SEC16A: variants seen among roughly 807,000 people sequenced by gnomAD.
The protein encoded by SEC16A is protein transport protein Sec16A.
A neutral mutation model predicts 221.9 loss-of-function variants in SEC16A; 110 were observed. The ratio of observed to expected loss-of-function variants is 0.50; its 90% CI spans 0.42 to 0.58. The LOEUF is 0.58. Among genes scored for constraint, SEC16A ranks in the 20% least tolerant of loss-of-function variants. The probability of loss-of-function intolerance (pLI) is 0.00; values close to 1 mark genes in which losing one functional copy is unlikely to be tolerated. For synonymous variants in SEC16A, 1,393 were observed against 1,257.7 expected, an observed-to-expected ratio of 1.11 and a Z score of -2.28; for missense variants, 3,165 against 3,097.8, an observed-to-expected ratio of 1.02 and a Z score of -0.52.
upstream of SEC16A, chr9:136,483,731 C>T (rs997482236): frequency 3.0e-6 from 3 of 985,402 alleles, no homozygotes; most frequent in Non-Finnish European, 3.6e-6. Flanking sequence ...CTGAGAAGCG[C>T]GGGGCCCTGA....
chr9:136,456,300 T>A, intron 18 of SEC16A, 134 bp from the exon 19 acceptor site: 1 of 649,886 alleles, frequency 1.5e-6, no homozygotes, highest in Non-Finnish European at 2.7e-6. Context: ...ATGTTTCTAG[T>A]ATGTGCTTAG....
chr9:136,475,147 C>A lies in SEC16A; in HGVS notation c.2469G>T (p.Leu823=). 2 of 1,613,898 alleles carry A rather than the reference C, an allele frequency of 1.2e-6. No individual in the cohort carries two copies. The highest frequency in any genetic ancestry group is 1.7e-6 in the Non-Finnish European group (2 of 1,179,856). ...SLLSSPPTES[L]QNPPVLIAQP... ...GAGCAATCAAGACTGGAGGATTCTG[C>A]AGAGACTCAGTGGGCGGTGAGGATA... Residue 823 remains leucine (L), a synonymous_variant, in exon 3 of 32, where the codon CTG becomes CTT. Transcript: ENST00000684901. The surrounding 1 kb of genome is among the most constrained non-coding windows in gnomAD (Gnocchi z 5.0).
intron 13 of SEC16A, 63 bp from the exon 14 acceptor site, chr9:136,460,186 G>A: frequency 7.4e-7 from 1 of 1,358,338 alleles, no homozygotes; most frequent in Non-Finnish European, 1.0e-6. Context: ...AAGCCGGCCG[G>A]ACATGATGGC....
At chr9:136,482,109 C>A (rs1460465713) in intron 1 of SEC16A, among the ~76,000 whole-genome samples, 1 of 152,218 alleles carries the variant, frequency 6.6e-6, no homozygotes, top group Non-Finnish European at 1.5e-5. Flanking sequence ...GAAAGACACG[C>A]TATTTTGCCT....
At chr9:136,453,670 A>G (rs1378320904) in intron 21 of SEC16A, among the ~76,000 whole-genome samples, 160 bp from the exon 22 acceptor site, 1 of 152,040 alleles carries the variant, frequency 6.6e-6, no homozygotes, top group Non-Finnish European at 1.5e-5. Context: ...ATGTGTGCAC[A>G]CTCTTTCATT....
chr9:136,475,108 G>A lies in SEC16A; in HGVS notation c.2508C>T (p.Ser836=), dbSNP rs1482400815. ...PPVLIAQPDH[S]YNLAQPINFS... ...AGTTAATGGGCTGAGCCAGATTATA[G>A]CTGTGATCAGGCTGAGCAATCAAGA... Residue 836 remains serine (S), a synonymous_variant, in exon 3 of 32, where the codon AGC becomes AGT. Transcript: ENST00000684901. This position sits in a 1 kb window ranked among gnomAD's most constrained non-coding sequence, Gnocchi z 5.0. The A allele has an allele frequency of 6.2e-7, 1 of 1,613,882 alleles. No homozygotes were observed. Among genetic ancestry groups the A allele is most frequent in the South Asian group, 1.1e-5 (1 of 91,080 alleles).
Position 136,445,201 on chromosome 9 carries a change from G to A in SEC16A, c.6868-90C>T, listed in dbSNP as rs964744725. On this transcript the variant is annotated intron_variant, in intron 29 of 31. Coordinates refer to ENST00000684901, the MANE Select transcript of SEC16A (RefSeq NM_014866.2). ...CCAAGCTGTCAGTTCCATTTCAAAA[G>A]CTTTGTGATGCCATTAGAATCAACA... 5 of 1,067,122 alleles carry A rather than the reference G, an allele frequency of 4.7e-6. No individual in the cohort carries two copies. The African/African-American group carries it at 6.3e-5, about 13-fold the overall frequency. The allele number at this position is 1,067,122 out of a possible 1,614,324, so 66.1% of individuals were successfully genotyped here. A position where few individuals can be genotyped will look rare whatever the true frequency, so the allele number is the denominator to read the frequency against.
In SEC16A at chr9:136,475,090, G is replaced by C; in HGVS notation, c.2526C>G (p.Pro842=). ...TCGATAAGGACACAGAAAAGTTAAT[G>C]GGCTGAGCCAGATTATAGCTGTGAT... The part of the protein sequence containing the change: ...QPDHSYNLAQ[P]INFSVSLSNS... The change falls in exon 3 of 32, where the codon CCC becomes CCG. Residue 842 remains proline, a synonymous_variant. Transcript: ENST00000684901. This position sits in a 1 kb window ranked among gnomAD's most constrained non-coding sequence, Gnocchi z 5.0. 1.2e-6 allele frequency: 2 copies of C among 1,613,708 alleles called. No homozygotes were observed. Among genetic ancestry groups the C allele is most frequent in the Non-Finnish European group, 1.7e-6 (2 of 1,179,844 alleles).
At chr9:136,453,028 C>T (rs1287383468) in intron 22 of SEC16A, among the ~76,000 whole-genome samples, 1 of 148,022 alleles carries the variant, frequency 6.8e-6, no homozygotes, top group Non-Finnish European at 1.5e-5. Flanking sequence ...CGAGATCGCA[C>T]CACTGCACTC....
rs759180660 is a variant in SEC16A at position 136,467,002 on chromosome 9, G to A, written c.3884C>T (p.Ala1295Val). 4 of 1,613,768 alleles carry A rather than the reference G, an allele frequency of 2.5e-6. No individual in the cohort carries two copies. The change falls in exon 6 of 32, where the codon GCA becomes GTA. Residue 1295 changes from alanine to valine, a missense_variant. Coordinates refer to ENST00000684901, the MANE Select transcript of SEC16A (RefSeq NM_014866.2). ...CTCTCTCCTGTATGCGTCATACTCT[G>A]CATCACACCAATACCTCCGGTCATA... Reference protein sequence around the residue: ...RTYDRRYWCDAEYDAYRREHS... With the variant: ...RTYDRRYWCDVEYDAYRREHS...
upstream of SEC16A, chr9:136,483,056 G>C (rs1349472480): frequency 8.2e-6 from 8 of 981,214 alleles, no homozygotes; most frequent in Non-Finnish European, 9.7e-6. Flanking sequence ...GGGTCTCCGC[G>C]GCCGCCGCGC....
In SEC16A at chr9:136,455,715, A is replaced by T; in HGVS notation, c.5743T>A (p.Leu1915Met). 1 of 1,595,448 alleles carries T rather than the reference A, an allele frequency of 6.3e-7. No homozygotes were observed. ...PGTPSSEMEQ[L>M]DRPGLSQPGA... ...GGCTGACTGAGTCCTGGCCTGTCCA[A>T]CTGCTCCATCTCGGAACTCGGAGTG... The change falls in exon 20 of 32, where the codon TTG (leucine) becomes ATG (methionine). Residue 1915 changes from leucine (L) to methionine (M), a missense_variant. By Grantham distance (15) the Leu-to-Met change is conservative. Around this residue, in one of 3 missense-constraint regions of SEC16A, gnomAD observed 1,088 missense variants for 1,089.6 expected, o/e 1.00. Transcript: ENST00000684901.
chr9:136,441,934 C>T lies in SEC16A; in HGVS notation c.7006-111G>A, dbSNP rs993975517. The T allele has an allele frequency of 1.3e-5, 12 of 898,770 alleles. No individual in the cohort carries two copies. The South Asian group carries it at 1.4e-4, about 11-fold the overall frequency. 55.7% of individuals were successfully genotyped at this position (898,770 alleles called of 1,614,324 possible). ...CATAATGAACCACACGGGCCATTGG[C>T]GCTGACAAGCTGAAGGCTTCGTTTT... is the stretch of plus-strand genomic sequence containing the variant. On this transcript the variant is annotated intron_variant, in intron 31 of 31. Coordinates refer to ENST00000684901, the MANE Select transcript of SEC16A (RefSeq NM_014866.2).
At position 136,466,329 on chromosome 9, in the gene SEC16A, G is replaced by A. The variant is rs199798606; in HGVS notation, c.4063C>T (p.Arg1355Trp). The A allele has an allele frequency of 4.9e-4, 763 of 1,572,144 alleles. No homozygotes were observed. Among genetic ancestry groups the A allele is most frequent in the Non-Finnish European group, 3.5e-4 (408 of 1,159,246 alleles). Residue 1355 changes from arginine to tryptophan, a missense_variant, in exon 7 of 32, where the codon CGG (arginine) becomes TGG (tryptophan). Physicochemically the swap from Arg to Trp is moderately radical, Grantham distance 101. This residue lies in a region of SEC16A where 2,030 missense variants were observed against 1,923.1 expected (regional missense o/e 1.06). Transcript: ENST00000684901. This position sits in a 1 kb window ranked among gnomAD's most constrained non-coding sequence, Gnocchi z 5.5. The part of the protein sequence containing the change: ...RRSVHSEHSA[R>W]SLHSAHSLAS... ...AGGCTGTGTGCGCTGTGCAGGCTCC[G>A]TGCCGAGTGCTCGCTGTGGACGCTG...
intron 1 of SEC16A, among the ~76,000 whole-genome samples, chr9:136,482,648 G>C (rs1276516628): frequency 6.6e-6 from 1 of 152,250 alleles, no homozygotes; most frequent in Non-Finnish European, 1.5e-5. Context: ...GTGCCTGGGG[G>C]TCCAGCCTCC....
Position 136,447,135 on chromosome 9 carries a change from T to A in SEC16A, c.6697+92A>T. 6.6e-7 allele frequency: 1 copy of A among 1,520,902 alleles called. No homozygotes were observed. Among genetic ancestry groups the A allele is most frequent in the Non-Finnish European group, 8.8e-7 (1 of 1,130,040 alleles). 94.2% of individuals were successfully genotyped at this position (1,520,902 alleles called of 1,614,324 possible). A position where few individuals can be genotyped will look rare whatever the true frequency, so the allele number is the denominator to read the frequency against. On this transcript the variant is annotated intron_variant, in intron 27 of 31. Coordinates refer to ENST00000684901, the MANE Select transcript of SEC16A (RefSeq NM_014866.2). This position sits in a 1 kb window ranked among gnomAD's most constrained non-coding sequence, Gnocchi z 5.5. ...CTGCATGCTGGCCAGGTCATTCTTT[T>A]AACGGGAGATTTAGGAGAGACTCAT...
Position 136,477,367 on chromosome 9 carries a change from G to T in SEC16A, c.249C>A (p.Pro83=). 6.2e-7 allele frequency: 1 copy of T among 1,613,926 alleles called. No homozygotes were observed. Among genetic ancestry groups the T allele is most frequent in the South Asian group, 1.1e-5 (1 of 91,078 alleles). ...SSPPVLQGPA[P]AGFSQHPGLL... ...AACCGGGGTGCTGAGAAAACCCTGCGGGGGCTGGGCCTTGCAAGACAGGTG... is the reference window on the plus strand; with the variant it reads ...AACCGGGGTGCTGAGAAAACCCTGCTGGGGCTGGGCCTTGCAAGACAGGTG... The change falls in exon 3 of 32, where the codon CCC becomes CCA. Residue 83 remains proline, a synonymous_variant. Transcript: ENST00000684901.
chr9:136,445,446 C>T (rs1836834441), intron 29 of SEC16A, among the ~76,000 whole-genome samples, 199 bp downstream of exon 29: 1 of 152,230 alleles, frequency 6.6e-6, no homozygotes, highest in Non-Finnish European at 1.5e-5. Flanking sequence ...ACCCCCTGCA[C>T]CCCTCCTGGA....
In SEC16A at chr9:136,472,201, C is replaced by T. The variant is rs117237371; in HGVS notation, c.3568-90G>A. The T allele has an allele frequency of 6.6e-3, 9,964 of 1,508,432 alleles. 42 individuals are homozygous for T. Among genetic ancestry groups the T allele is most frequent in the Middle Eastern group, 0.012 (71 of 5,770 alleles). The allele number at this position is 1,508,432 out of a possible 1,614,324, so 93.4% of individuals were successfully genotyped here. A position where few individuals can be genotyped will look rare whatever the true frequency, so the allele number is the denominator to read the frequency against. The stretch of plus-strand genomic sequence containing the variant: ...CCTGAGCTGGAAACATTGCAGAGGG[C>T]GGGCAGCATTAGATACCTACCAAGA... On this transcript the variant is annotated intron_variant, in intron 3 of 31. Transcript: ENST00000684901.
Sources: allele counts gnomAD v4.1 joint callset (sites outside exome capture counted in the v4.1 genomes callset), GRCh38; gene constraint gnomAD v4.1.1; regional missense constraint gnomAD v4.1.1; non-coding constraint Gnocchi (gnomAD v3.1); transcripts MANE v1.5; gene names NCBI Gene and HGNC (gene_info 2026-07-23, HGNC 2026-07-21).